The following NUMB variants were observed in gnomAD, a reference collection of about 807,000 sequenced individuals.
NUMB encodes the protein NUMB endocytic adaptor protein, also known as protein numb homolog.
In NUMB, 29 loss-of-function variants were observed where a neutral mutation model predicts 59.7. That is an observed-to-expected ratio of 0.49 (90% CI 0.36 to 0.66). The LOEUF is 0.66. Among genes scored for constraint, NUMB ranks in the 30% least tolerant of loss-of-function variants. The pLI is 0.00. For missense variants in NUMB, 723 were observed against 822.0 expected (o/e 0.88, Z 1.47); for synonymous variants, 288 against 288.2 (o/e 1.00, Z 0.01).
intron 1 of NUMB, among the ~76,000 whole-genome samples, chr14:73,440,227 ATG>A (rs79337245): frequency 1.4e-5 from 2 of 138,780 alleles, no homozygotes; most frequent in African/African-American, 2.8e-5. Flanking sequence ...ATATATATAT[ATG>A]GATATCCATA....
chr14:73,365,309 A>T (rs891156646), intron 3 of NUMB, among the ~76,000 whole-genome samples: 2 of 152,166 alleles, frequency 1.3e-5, no homozygotes, highest in African/African-American at 4.8e-5. Flanking sequence ...CCAAAGTGCT[A>T]AGATTACAGG....
At position 73,370,698 on chromosome 14, in the gene NUMB, GA is replaced by G. The variant is rs199523382; in HGVS notation, c.-100-3718del. On this transcript the variant is annotated intron_variant, in intron 2 of 12. Coordinates refer to ENST00000555238, the MANE Select transcript of NUMB (RefSeq NM_001005743.2). ...CAAGAGTGAAACTCCGCCTCAAAAA[GA>G]AAAAAAAAAAAAATCAGGTTCTTCT... Among the ~76,000 whole-genome samples the G allele has an allele frequency of 8.9e-3, 1,176 of 132,678 alleles. 7 individuals are homozygous for G. The highest frequency in any genetic ancestry group is 0.036 in the South Asian group (152 of 4,196). The allele number at this position is 132,678 out of a possible 152,430, so 87.0% of individuals were successfully genotyped here.
chr14:73,307,728 C>CTTTTTTTTTTTTTTT (rs34429117), intron 6 of NUMB, among the ~76,000 whole-genome samples: 1 of 95,488 alleles, frequency 1.0e-5, no homozygotes. Flanking sequence ...GGGCCTCTGT[C>CTTTTTTTTTTTTTTT]TTTTTTTTTT....
intron 2 of NUMB, among the ~76,000 whole-genome samples, chr14:73,398,523 T>C (rs573668688): frequency 6.6e-6 from 1 of 151,952 alleles, no homozygotes; most frequent in South Asian, 2.1e-4. Context: ...TAGATGATCT[T>C]TTTATATTTG....
At chr14:73,402,739 C>T (rs937781684) in intron 2 of NUMB, among the ~76,000 whole-genome samples, 3 of 152,180 alleles carry the variant, frequency 2.0e-5, no homozygotes, top group African/African-American at 7.2e-5. Context: ...AGCTTATAAA[C>T]TCAGTAACTT....
At chr14:73,405,161 A>C (rs1000679869) in intron 2 of NUMB, among the ~76,000 whole-genome samples, 24 of 152,234 alleles carry the variant, frequency 1.6e-4, no homozygotes, top group African/African-American at 5.3e-4. Context: ...GGAATGCATG[A>C]ACAGCTATTT....
chr14:73,280,254 ATCATT>A (rs888630294), intron 11 of NUMB, among the ~76,000 whole-genome samples: 1 of 152,226 alleles, frequency 6.6e-6, no homozygotes, highest in African/African-American at 2.4e-5. Flanking sequence ...TTTTACATGC[ATCATT>A]TCATTTAATT....
intron 6 of NUMB, among the ~76,000 whole-genome samples, chr14:73,302,145 T>C (rs140129199): frequency 6.6e-6 from 1 of 152,280 alleles, no homozygotes; most frequent in East Asian, 1.9e-4. Flanking sequence ...TTTTATAGTA[T>C]TGTACTAATG....
At chr14:73,367,091 C>T (rs141132449) in intron 2 of NUMB, 110 bp from the exon 3 acceptor site, 1 of 151,822 alleles carries the variant, frequency 6.6e-6, no homozygotes, top group African/African-American at 2.4e-5. Flanking sequence ...AAAGAGGTCC[C>T]AATTTTCCCC....
chr14:73,445,698 A>G (rs60274183), intron 1 of NUMB, among the ~76,000 whole-genome samples: 35,833 of 152,168 alleles, frequency 0.24, 5,157 homozygotes, highest in East Asian at 0.68. Flanking sequence ...GTTTAACTTT[A>G]CATGGATTAT....
chr14:73,344,781 A>G (rs1197793170), intron 4 of NUMB, among the ~76,000 whole-genome samples: 1 of 152,212 alleles, frequency 6.6e-6, no homozygotes, highest in African/African-American at 2.4e-5. Context: ...GAATTTACCC[A>G]ATAGAAGATC....
At chr14:73,412,632 GAAAAAA>G (rs1180955520) in intron 1 of NUMB, among the ~76,000 whole-genome samples, 1 of 92,488 alleles carries the variant, frequency 1.1e-5, no homozygotes, top group African/African-American at 4.1e-5. Flanking sequence ...CGTCTCAAAA[GAAAAAA>G]AAAAAAAAAA....
intron 2 of NUMB, among the ~76,000 whole-genome samples, chr14:73,395,576 A>T (rs1300851206): frequency 6.6e-6 from 1 of 152,090 alleles, no homozygotes; most frequent in African/African-American, 2.4e-5. Context: ...AGCCGTGATC[A>T]TACCACTGCA....
intron 1 of NUMB, among the ~76,000 whole-genome samples, chr14:73,431,748 C>CA (rs1566794464): frequency 6.6e-6 from 1 of 151,380 alleles, no homozygotes; most frequent in Non-Finnish European, 1.5e-5. Context: ...GACTCCGTCT[C>CA]AAAAAAAGAA....
chr14:73,284,985 T>G (rs1448303059), intron 9 of NUMB: 2 of 152,216 alleles, frequency 1.3e-5, no homozygotes, highest in African/African-American at 4.8e-5. Flanking sequence ...GTAGCTGGGA[T>G]TACAGGTGCA....
chr14:73,429,900 G>A (rs1441078295), intron 1 of NUMB, among the ~76,000 whole-genome samples: 1 of 150,176 alleles, frequency 6.7e-6, no homozygotes, highest in African/African-American at 2.5e-5. Flanking sequence ...AGCCGAGATC[G>A]CACCACTGCA....
chr14:73,319,680 G>T (rs1474653855), intron 5 of NUMB, among the ~76,000 whole-genome samples: 4 of 152,144 alleles, frequency 2.6e-5, no homozygotes, highest in Non-Finnish European at 5.9e-5. Context: ...TTTGCTCAGA[G>T]AAATCAAAAG....
chr14:73,376,023 T>C (rs1052068381), intron 2 of NUMB, among the ~76,000 whole-genome samples: 3 of 152,172 alleles, frequency 2.0e-5, no homozygotes, highest in African/African-American at 7.2e-5. Context: ...TCTCCTCCCA[T>C]CATTCCTTTT....
At chr14:73,322,989 C>G (rs1891485673) in intron 5 of NUMB, 141 bp downstream of exon 5, 1 of 624,968 alleles carries the variant, frequency 1.6e-6, no homozygotes, top group Non-Finnish European at 2.8e-6. Flanking sequence ...CCGCGCTTGG[C>G]TGAGATGCTC....
Sources: allele counts gnomAD v4.1 joint callset (sites outside exome capture counted in the v4.1 genomes callset), GRCh38; gene constraint gnomAD v4.1.1; transcripts MANE v1.5; gene names NCBI Gene and HGNC (gene_info 2026-07-23, HGNC 2026-07-21).